The following PEX14 variants were observed in gnomAD, a reference collection of about 807,000 sequenced individuals.
PEX14 encodes the protein peroxisomal membrane protein PEX14.
In PEX14, 15 loss-of-function variants were observed where a neutral mutation model predicts 49.5. The ratio of observed to expected loss-of-function variants is 0.30; its 90% CI spans 0.20 to 0.47. The LOEUF is 0.47. Among genes scored for constraint, PEX14 ranks in the 20% least tolerant of loss-of-function variants. The pLI, the probability that PEX14 is intolerant of heterozygous loss-of-function variation, is 1.00. For synonymous variants in PEX14, 210 were observed against 212.7 expected (o/e 0.99, Z 0.11); for missense variants, 398 against 494.8 (o/e 0.80, Z 1.86).
chr1:10,489,324 G>A (rs1641430052), intron 1 of PEX14, among the ~76,000 whole-genome samples: 1 of 152,202 alleles, frequency 6.6e-6, no homozygotes, highest in Non-Finnish European at 1.5e-5. Flanking sequence ...TGTGAGTTCA[G>A]TATTGTTGAG....
chr1:10,482,596 G>A (rs1214197142), intron 1 of PEX14, among the ~76,000 whole-genome samples: 1 of 152,030 alleles, frequency 6.6e-6, no homozygotes, highest in Non-Finnish European at 1.5e-5. Flanking sequence ...ACCATGCCCG[G>A]CTAATTTTTG....
At chr1:10,536,076 A>G in intron 2 of PEX14, 137 bp from the exon 3 acceptor site, 1 of 706,468 alleles carries the variant, frequency 1.4e-6, no homozygotes, top group Non-Finnish European at 2.6e-6. Flanking sequence ...TTTTAAGTTT[A>G]AGAAATAACT....
intron 1 of PEX14, among the ~76,000 whole-genome samples, chr1:10,488,480 T>C (rs753793411): frequency 6.6e-6 from 1 of 151,488 alleles, no homozygotes; most frequent in African/African-American, 2.4e-5. Flanking sequence ...TTACATATTA[T>C]ACTTTTCATG....
intron 2 of PEX14, chr1:10,528,258 G>A: frequency 1.1e-6 from 1 of 951,066 alleles, no homozygotes; most frequent in Non-Finnish European, 1.3e-6. Flanking sequence ...CAGTTCAATA[G>A]TGCATGACTA....
At chr1:10,510,913 C>T (rs1281909555) in intron 2 of PEX14, among the ~76,000 whole-genome samples, 1 of 152,198 alleles carries the variant, frequency 6.6e-6, no homozygotes, top group African/African-American at 2.4e-5. Context: ...TCAGAGGAAA[C>T]ATTATAACTG....
intron 1 of PEX14, among the ~76,000 whole-genome samples, chr1:10,483,399 C>A (rs933429472): frequency 2.0e-5 from 3 of 151,924 alleles, no homozygotes; most frequent in African/African-American, 7.3e-5. Flanking sequence ...TTACTGCAAT[C>A]TCCACTTCCC....
At chr1:10,504,426 A>G (rs892091045) in intron 2 of PEX14, among the ~76,000 whole-genome samples, 5 of 152,222 alleles carry the variant, frequency 3.3e-5, no homozygotes, top group African/African-American at 1.2e-4. Flanking sequence ...AGGAGTCTGG[A>G]TAAATTACCC....
At chr1:10,513,144 AT>A (rs1641913463) in intron 2 of PEX14, among the ~76,000 whole-genome samples, 1 of 152,092 alleles carries the variant, frequency 6.6e-6, no homozygotes, top group Non-Finnish European at 1.5e-5. Flanking sequence ...GTGGGAGAAA[AT>A]AGCGTGTTTT....
chr1:10,569,076 C>T (rs10779744), intron 3 of PEX14, among the ~76,000 whole-genome samples: 1 of 151,974 alleles, frequency 6.6e-6, no homozygotes, highest in African/African-American at 2.4e-5. Context: ...AGTTTATTTT[C>T]GTAGTATTGG....
chr1:10,560,715 C>T (rs1379117613), intron 3 of PEX14, among the ~76,000 whole-genome samples: 17 of 132,350 alleles, frequency 1.3e-4, no homozygotes, highest in African/African-American at 4.2e-4. Context: ...AACATTTTGC[C>T]ACCTTTTTTT....
At chr1:10,625,680 C>T (rs759836071) in intron 7 of PEX14, among the ~76,000 whole-genome samples, 8 of 152,262 alleles carry the variant, frequency 5.3e-5, no homozygotes, top group Non-Finnish European at 1.2e-4. Context: ...AGCCCAGCGA[C>T]AGCCCTGCCT....
rs118156976 is a variant in PEX14 at position 10,528,779 on chromosome 1, C to T, written c.85-7434C>T. Among the ~76,000 whole-genome samples, 229 of 152,318 alleles carry T rather than the reference C, an allele frequency of 1.5e-3. 5 individuals are homozygous for T. The East Asian group carries it at 0.035, about 23-fold the overall frequency. On this transcript the variant is annotated intron_variant, in intron 2 of 8. Transcript: ENST00000356607. ...GTCTTTCCTTGGTATCTCTTGGGAT[C>T]GAGCACCCAGCTCTTGCCACTCGTC...
At position 10,515,748 on chromosome 1, in the gene PEX14, G is replaced by A. The variant is rs1641958759; in HGVS notation, c.84+20427G>A. Among the ~76,000 whole-genome samples, 6 of 152,276 alleles carry A rather than the reference G, an allele frequency of 3.9e-5. No individual in the cohort carries two copies. The South Asian group carries it at 1.2e-3, about 32-fold the overall frequency. ...TTCACCCGGCTCTGGCTGCTTGTCT[G>A]CTTGTGATTTGAGAAAAAGGAAGTG... On this transcript the variant is annotated intron_variant, in intron 2 of 8. Transcript: ENST00000356607.
chr1:10,608,749 A>T (rs1487471291), intron 4 of PEX14, among the ~76,000 whole-genome samples: 5 of 152,212 alleles, frequency 3.3e-5, no homozygotes, highest in Non-Finnish European at 5.9e-5. Flanking sequence ...AATAAAAAAA[A>T]AAACAAAGCT....
At chr1:10,487,749 C>G (rs1331692912) in intron 1 of PEX14, among the ~76,000 whole-genome samples, 1 of 152,032 alleles carries the variant, frequency 6.6e-6, no homozygotes, top group East Asian at 1.9e-4. Flanking sequence ...TCCCAAAGTG[C>G]TGGGATTATA....
intron 4 of PEX14, among the ~76,000 whole-genome samples, chr1:10,601,154 C>G (rs1640974066): frequency 6.7e-6 from 1 of 150,152 alleles, no homozygotes; most frequent in Non-Finnish European, 1.5e-5. Flanking sequence ...CCCAGCTACT[C>G]AGGAGGCTGA....
At chr1:10,601,262 CAAA>C (rs58910333) in intron 4 of PEX14, among the ~76,000 whole-genome samples, 3 of 57,070 alleles carry the variant, frequency 5.3e-5, no homozygotes, top group African/African-American at 6.0e-5. Context: ...GACTCTGTCT[CAAA>C]AAAAAAAAAA....
rs191144104 is a variant in PEX14, at chr1:10,529,683, G to A, written c.85-6530G>A. Among the ~76,000 whole-genome samples the A allele has an allele frequency of 6.6e-6, 1 of 152,326 alleles. No individual in the cohort carries two copies. Among genetic ancestry groups the A allele is most frequent in the African/African-American group, 2.4e-5 (1 of 41,572 alleles). ...ACATATATCAATGAGTTTTAAGAGAGACTAGGGTCAATAATGCATGCTTTA... is the reference window on the plus strand; with the variant it reads ...ACATATATCAATGAGTTTTAAGAGAAACTAGGGTCAATAATGCATGCTTTA... On this transcript the variant is annotated intron_variant, in intron 2 of 8. Transcript: ENST00000356607. This position sits in a 1 kb window ranked among gnomAD's most constrained non-coding sequence, Gnocchi z 4.2.
At chr1:10,609,906 AAAT>A (rs1641230218) in intron 4 of PEX14, among the ~76,000 whole-genome samples, 1 of 151,904 alleles carries the variant, frequency 6.6e-6, no homozygotes, top group Non-Finnish European at 1.5e-5. Flanking sequence ...AAATAAATAA[AAAT>A]AAAACATTTT....
Sources: allele counts gnomAD v4.1 joint callset (sites outside exome capture counted in the v4.1 genomes callset), GRCh38; gene constraint gnomAD v4.1.1; non-coding constraint Gnocchi (gnomAD v3.1); transcripts MANE v1.5; gene names NCBI Gene and HGNC (gene_info 2026-07-23, HGNC 2026-07-21).